The following PLCB4 variants were observed in gnomAD, a reference collection of about 807,000 sequenced individuals.
The protein encoded by PLCB4 is phospholipase C beta 4.
PLCB4 carries 77 observed loss-of-function variants against 178.8 expected under a neutral mutation model. The observed-to-expected ratio is 0.43, with a 90% CI of 0.36 to 0.52. The LOEUF (loss-of-function observed/expected upper bound fraction) is 0.52. Among genes scored for constraint, PLCB4 ranks in the 20% least tolerant of loss-of-function variants. The probability of loss-of-function intolerance (pLI) is 0.00; values close to 1 mark genes in which losing one functional copy is unlikely to be tolerated. For synonymous variants in PLCB4, 496 were observed against 490.8 expected, an observed-to-expected ratio of 1.01 and a Z score of -0.14; for missense variants, 1,024 against 1,453.4, an observed-to-expected ratio of 0.70 and a Z score of 4.80.
chr20:9,453,340 T>C lies in PLCB4; in HGVS notation c.2881-7T>C. The C allele has an allele frequency of 6.4e-7, 1 of 1,563,380 alleles. No homozygotes were observed. Among genetic ancestry groups the C allele is most frequent in the African/African-American group, 1.4e-5 (1 of 74,022 alleles). On this transcript the variant is annotated splice_region_variant and splice_polypyrimidine_tract_variant and intron_variant, in intron 32 of 39. Coordinates refer to ENST00000378473, the MANE Select transcript of PLCB4 (RefSeq NM_001377142.1). ...CCAATTCATAACTGCAAATCCTTCT[T>C]GTTCAGGAACACAGTACCATGCAGA...
At chr20:9,430,302 A>G (rs547646859) in intron 28 of PLCB4, among the ~76,000 whole-genome samples, 1 of 152,352 alleles carries the variant, frequency 6.6e-6, no homozygotes, top group East Asian at 1.9e-4. Flanking sequence ...AGCCTTGCTC[A>G]AGGCATTTAG....
At chr20:9,221,166 G>C (rs561405922) in intron 3 of PLCB4, among the ~76,000 whole-genome samples, 27 of 152,202 alleles carry the variant, frequency 1.8e-4, no homozygotes, top group African/African-American at 6.5e-4. Flanking sequence ...CAATGTGCCT[G>C]CCCCAGCCTG....
chr20:9,408,785 A>G, intron 23 of PLCB4, 68 bp downstream of exon 23: 1 of 810,770 alleles, frequency 1.2e-6, no homozygotes, highest in Non-Finnish European at 2.2e-6. Flanking sequence ...TCTGAAATAG[A>G]TAAATGGCTA....
intron 3 of PLCB4, among the ~76,000 whole-genome samples, chr20:9,252,066 T>C (rs2094186954): frequency 6.6e-6 from 1 of 152,216 alleles, no homozygotes; most frequent in South Asian, 2.1e-4. Flanking sequence ...TTAGATCTCA[T>C]AAAAGTCACA....
chr20:9,326,587 C>T (rs73609457), intron 4 of PLCB4, among the ~76,000 whole-genome samples: 3,054 of 152,248 alleles, frequency 0.02, 124 homozygotes, highest in African/African-American at 0.069. Context: ...CGTGCTCTGT[C>T]GTGTCAGGGA....
chr20:9,222,076 A>G (rs1342729686), intron 3 of PLCB4, among the ~76,000 whole-genome samples: 1 of 123,374 alleles, frequency 8.1e-6, no homozygotes, highest in African/African-American at 3.8e-5. Context: ...ATTTTATTTT[A>G]TTTTATTTTA....
chr20:9,349,283 C>T (rs530961191), intron 7 of PLCB4, among the ~76,000 whole-genome samples: 12 of 152,226 alleles, frequency 7.9e-5, no homozygotes, highest in Admixed American at 5.2e-4. Context: ...GCCCAATAAG[C>T]GGGTTCCTCC....
chr20:9,437,871 G>A (rs1007731232), intron 30 of PLCB4, among the ~76,000 whole-genome samples: 3 of 152,198 alleles, frequency 2.0e-5, no homozygotes, highest in Non-Finnish European at 4.4e-5. Context: ...ATCACATTGT[G>A]TTAATAAAGT....
intron 2 of PLCB4, among the ~76,000 whole-genome samples, chr20:9,197,698 G>A (rs1474736572): frequency 8.5e-5 from 13 of 152,306 alleles, no homozygotes; most frequent in Non-Finnish European, 1.6e-4. Flanking sequence ...AAACCAGGCC[G>A]GGCGCGGTGG....
At chr20:9,194,806 A>T (rs551510697) in intron 2 of PLCB4, among the ~76,000 whole-genome samples, 38 of 151,754 alleles carry the variant, frequency 2.5e-4, no homozygotes, top group African/African-American at 8.2e-4. Context: ...ATTTGCGGTG[A>T]TTATAAAAGG....
chr20:9,425,119 C>A (rs7261710), intron 28 of PLCB4, among the ~76,000 whole-genome samples: 5,254 of 151,314 alleles, frequency 0.035, 305 homozygotes, highest in African/African-American at 0.12. Context: ...CCATAAAAAG[C>A]CTGGAAAGGG....
intron 25 of PLCB4, among the ~76,000 whole-genome samples, 199 bp downstream of exon 25, chr20:9,411,287 G>GT (rs920750196): frequency 2.0e-5 from 3 of 152,122 alleles, no homozygotes; most frequent in African/African-American, 7.2e-5. Context: ...CAGGTTTTGG[G>GT]TTTTTTAAAT....
chr20:9,436,010 G>T (rs1000673672), intron 29 of PLCB4, among the ~76,000 whole-genome samples: 1 of 152,208 alleles, frequency 6.6e-6, no homozygotes, highest in Non-Finnish European at 1.5e-5. Flanking sequence ...AACCTTTTGA[G>T]TGCTGACATT....
chr20:9,273,741 G>A (rs1008664338), intron 3 of PLCB4, among the ~76,000 whole-genome samples: 37 of 150,826 alleles, frequency 2.5e-4, no homozygotes, highest in African/African-American at 9.0e-4. Flanking sequence ...AGATGATACA[G>A]ATGCTCGAGC....
chr20:9,105,616 C>T (rs763830180), intron 2 of PLCB4, among the ~76,000 whole-genome samples: 11 of 151,928 alleles, frequency 7.2e-5, no homozygotes, highest in Non-Finnish European at 1.6e-4. Flanking sequence ...TACAGGGATA[C>T]ATCAATGAGT....
At chr20:9,343,999 G>A (rs2033529596) in intron 7 of PLCB4, among the ~76,000 whole-genome samples, 1 of 152,158 alleles carries the variant, frequency 6.6e-6, no homozygotes, top group South Asian at 2.1e-4. Context: ...TATCTAACTG[G>A]TCTCTTTTCC....
chr20:9,345,673 T>G (rs188443921), intron 7 of PLCB4, among the ~76,000 whole-genome samples: 7 of 152,348 alleles, frequency 4.6e-5, no homozygotes, highest in African/African-American at 1.7e-4. Flanking sequence ...ACCAGACTGC[T>G]CATTATACTT....
intron 39 of PLCB4, among the ~76,000 whole-genome samples, chr20:9,477,598 C>A (rs377277140): frequency 6.6e-6 from 1 of 152,174 alleles, no homozygotes; most frequent in Non-Finnish European, 1.5e-5. Flanking sequence ...GTCATAGTTT[C>A]ATGTTTGTAT....
chr20:9,338,042 G>T lies in PLCB4; in HGVS notation c.200G>T (p.Ser67Ile). 2 of 1,611,872 alleles carry T rather than the reference G, an allele frequency of 1.2e-6. No homozygotes were observed. Among genetic ancestry groups the T allele is most frequent in the Non-Finnish European group, 8.5e-7 (1 of 1,178,250 alleles). Residue 67 changes from serine (S) to isoleucine (I), a missense_variant, in exon 6 of 40, where the codon AGT becomes ATT. Transcript: ENST00000378473. ...GTGCTAGAATGCTCCCTCATCAACA[G>T]TATTCGGTCGGGAGCCATACCAAAG... ...GQVLECSLIN[S>I]IRSGAIPKDP... is the part of the protein sequence containing the mutation.
Sources: allele counts gnomAD v4.1 joint callset (sites outside exome capture counted in the v4.1 genomes callset), GRCh38; gene constraint gnomAD v4.1.1; transcripts MANE v1.5; gene names NCBI Gene and HGNC (gene_info 2026-07-23, HGNC 2026-07-21).